Variants in GRB2 observed in about 807,000 individuals in gnomAD.
GRB2 encodes growth factor receptor-bound protein 2.
GRB2 carries 2 observed loss-of-function variants against 27.4 expected under a neutral mutation model. The observed-to-expected ratio is 0.07, with a 90% CI of 0.03 to 0.23. The LOEUF (loss-of-function observed/expected upper bound fraction) is 0.23, where lower values mean the gene tolerates loss of function less well. Among genes scored for constraint, GRB2 ranks in the 10% least tolerant of loss-of-function variants. GRB2 has a pLI of 1.00. For missense variants in GRB2, 102 were observed against 282.4 expected (o/e 0.36, Z 4.58); for synonymous variants, 94 against 99.6 (o/e 0.94, Z 0.33).
chr17:75,393,608 A>G lies in GRB2; in HGVS notation c.21T>C (p.Tyr7=), dbSNP rs747113259. The change falls in exon 2 of 6, where the codon TAT becomes TAC. Residue 7 remains tyrosine (Y), a synonymous_variant. Transcript: ENST00000316804. The part of the protein sequence containing the change: MEAIAK[Y]DFKATADDEL... ...CGTCGTCTGCAGTAGCTTTGAAGTC[A>G]TATTTGGCGATGGCTTCCATTCTGA... 3.7e-5 allele frequency: 60 copies of G among 1,613,978 alleles called. No individual in the cohort carries two copies. In the South Asian group the frequency reaches 5.1e-4, roughly 14 times the overall value.
chr17:75,393,675 G>A lies in GRB2; in HGVS notation c.-47C>T, dbSNP rs983286669. The A allele has an allele frequency of 1.4e-6, 2 of 1,475,352 alleles. No individual in the cohort carries two copies. The highest frequency in any genetic ancestry group is 3.3e-5 in the Admixed American group (2 of 59,800). 91.4% of individuals were successfully genotyped at this position (1,475,352 alleles called of 1,614,324 possible). A position where few individuals can be genotyped will look rare whatever the true frequency, so the allele number is the denominator to read the frequency against. ...AGCAGCCTGAAGCAGGGGGAAGGGA[G>A]TCTTCCCTGCTGAAGCAACCCAGCG... On this transcript the variant is annotated 5_prime_UTR_variant, in exon 2 of 6. Coordinates refer to ENST00000316804, the MANE Select transcript of GRB2 (RefSeq NM_002086.5).
chr17:75,402,969 C>G (rs1821580), intron 1 of GRB2, among the ~76,000 whole-genome samples: 99,919 of 148,704 alleles, frequency 0.67, 38,438 homozygotes, highest in East Asian at 0.96. Flanking sequence ...CAGCTACTAG[C>G]GAGGCTGAGG....
intron 1 of GRB2, among the ~76,000 whole-genome samples, chr17:75,404,390 A>G (rs1231197481): frequency 6.6e-6 from 1 of 152,068 alleles, no homozygotes; most frequent in Non-Finnish European, 1.5e-5. Flanking sequence ...GCGCAAAAGT[A>G]AAGGAACGAA....
intron 2 of GRB2, 73 bp downstream of exon 2, chr17:75,393,478 G>A: frequency 8.8e-7 from 1 of 1,139,392 alleles, no homozygotes; most frequent in Non-Finnish European, 1.3e-6. Flanking sequence ...TTCTTTGTGT[G>A]TAATCAGGGC....
At chr17:75,326,079 A>C in intron 3 of GRB2, 59 bp from the exon 4 acceptor site, 1 of 1,602,872 alleles carries the variant, frequency 6.2e-7, no homozygotes, top group Non-Finnish European at 8.5e-7. Flanking sequence ...CGGGATATCC[A>C]GCCTTCAAAA....
chr17:75,383,838 C>T (rs771031462), intron 2 of GRB2, among the ~76,000 whole-genome samples: 78 of 152,090 alleles, frequency 5.1e-4, no homozygotes, highest in Non-Finnish European at 7.1e-4. Context: ...GGTGACAGAG[C>T]GAGACTCCTT....
chr17:75,375,711 G>A (rs1269833829), intron 2 of GRB2, among the ~76,000 whole-genome samples: 5 of 151,728 alleles, frequency 3.3e-5, no homozygotes, highest in Non-Finnish European at 7.4e-5. Context: ...GTGAAACCTC[G>A]TCTCTACAAA....
At chr17:75,325,806 ATT>A (rs1239939859) in intron 4 of GRB2, 90 bp downstream of exon 4, 33 of 1,308,814 alleles carry the variant, frequency 2.5e-5, no homozygotes, top group Non-Finnish European at 3.6e-5. Flanking sequence ...AGCCTCCACC[ATT>A]TTGTGTGTAG....
At chr17:75,351,867 A>G (rs1200352843) in intron 2 of GRB2, among the ~76,000 whole-genome samples, 4 of 152,310 alleles carry the variant, frequency 2.6e-5, no homozygotes, top group African/African-American at 9.6e-5. Context: ...ACAATCTATG[A>G]AAATTCTAAG....
In GRB2 at chr17:75,336,326, G is replaced by C. The variant is rs554184149; in HGVS notation, c.79-3529C>G. Among the ~76,000 whole-genome samples the C allele has an allele frequency of 7.3e-4, 111 of 152,154 alleles. 1 individual carries two copies. The highest frequency in any genetic ancestry group is 2.2e-4 in the Non-Finnish European group (15 of 68,034). On this transcript the variant is annotated intron_variant, in intron 2 of 5. Transcript: ENST00000316804. ...AGTTTTTGAAAATGTCTTAACTCCT[G>C]AAATGGTGAGGTGTGTCTACTTTTA...
intron 2 of GRB2, among the ~76,000 whole-genome samples, chr17:75,354,793 A>T (rs2078720510): frequency 6.6e-6 from 1 of 152,256 alleles, no homozygotes. Flanking sequence ...TTTAAAAAGG[A>T]AAAACTTAAC....
intron 2 of GRB2, among the ~76,000 whole-genome samples, chr17:75,345,096 T>G (rs1420655224): frequency 1.3e-5 from 2 of 152,024 alleles, no homozygotes; most frequent in African/African-American, 4.8e-5. Context: ...CAGGCTGGAG[T>G]GCAGTGGCGC....
Position 75,402,936 on chromosome 17 carries a change from G to A in GRB2, c.-138+2553C>T, listed in dbSNP as rs529543316. ...ACTAAAAATACACAATTAGCCAGGC[G>A]TGGTGGTGCATGCCTGTGATCCCAG... is the stretch of plus-strand genomic sequence containing the variant. On this transcript the variant is annotated intron_variant, in intron 1 of 5. Transcript: ENST00000316804. Among the ~76,000 whole-genome samples, 45 of 151,668 alleles carry A rather than the reference G, an allele frequency of 3.0e-4. No homozygotes were observed. The East Asian group carries it at 8.5e-3, about 29-fold the overall frequency.
In GRB2 at chr17:75,319,118, C is replaced by T. The variant is rs2078437745; in HGVS notation, c.*1250G>A. On this transcript the variant is annotated 3_prime_UTR_variant, in exon 6 of 6. Transcript: ENST00000316804. The stretch of plus-strand genomic sequence containing the variant: ...AGCAGTTCCCTGAACCCCCAAGGGG[C>T]TCACAACCCTTAAAGCTGGAGCTTA... 6.6e-6 allele frequency: 1 copy of T among 152,492 alleles called. No individual in the cohort carries two copies. 9.4% of individuals were successfully genotyped at this position (152,492 alleles called of 1,614,324 possible). A position where few individuals can be genotyped will look rare whatever the true frequency, so the allele number is the denominator to read the frequency against.
chr17:75,377,630 G>A (rs2078902742), intron 2 of GRB2, among the ~76,000 whole-genome samples: 1 of 149,484 alleles, frequency 6.7e-6, no homozygotes, highest in East Asian at 2.0e-4. Flanking sequence ...AAAAAGGCTG[G>A]GTGTGGTAGT....
chr17:75,398,144 T>C (rs542208243), intron 1 of GRB2, among the ~76,000 whole-genome samples: 6 of 152,050 alleles, frequency 3.9e-5, no homozygotes, highest in Admixed American at 1.3e-4. Context: ...TTTTAAATGT[T>C]ACTCTATTTA....
At chr17:75,396,211 G>A (rs2079028331) in intron 1 of GRB2, among the ~76,000 whole-genome samples, 1 of 151,654 alleles carries the variant, frequency 6.6e-6, no homozygotes, top group African/African-American at 2.4e-5. Context: ...TTTTTTACTT[G>A]CCTAGTTCCC....
At chr17:75,350,379 C>T (rs11872088) in intron 2 of GRB2, among the ~76,000 whole-genome samples, 3,257 of 152,302 alleles carry the variant, frequency 0.021, 123 homozygotes, top group African/African-American at 0.073. Context: ...AAGTTCACTA[C>T]AACTTCAGGT....
rs148470921 is a variant in GRB2, at chr17:75,352,890, T to TAAAA, written c.79-20097_79-20094dup. Among the ~76,000 whole-genome samples the TAAAA allele has an allele frequency of 5.9e-4, 88 of 149,650 alleles. 1 individual carries two copies. The highest frequency in any genetic ancestry group is 1.9e-3 in the African/African-American group (79 of 40,964). On this transcript the variant is annotated intron_variant, in intron 2 of 5. Transcript: ENST00000316804. ...AGTTAACTTGTTTTTTTTTTTTTTT[T>TAAAA]AAAAGACATAGTTGGCCAGGCACAG... is the stretch of plus-strand genomic sequence containing the variant.
Sources: gnomAD v4.1 joint callset for allele counts (sites outside exome capture counted in the v4.1 genomes callset) on GRCh38, gnomAD v4.1.1 for gene constraint, MANE v1.5 for transcripts, NCBI Gene and HGNC (gene_info 2026-07-23, HGNC 2026-07-21) for gene names.